Variants in ATP5F1C observed in about 807,000 individuals in gnomAD.
ATP5F1C encodes ATP synthase F1 subunit gamma, also known as ATP synthase F(1) complex subunit gamma, mitochondrial.
Under a neutral mutation model 37.4 loss-of-function variants are expected in ATP5F1C, and 22 were observed. That is an observed-to-expected ratio of 0.59 (90% CI 0.42 to 0.84). ATP5F1C has a LOEUF of 0.84. Ranked by LOEUF, ATP5F1C falls within the 40% of genes least tolerant of loss-of-function variation. The pLI, the probability that ATP5F1C is intolerant of heterozygous loss-of-function variation, is 0.00. For missense variants in ATP5F1C, 286 were observed against 362.4 expected (o/e 0.79, Z 1.71); for synonymous variants, 121 against 128.0 (o/e 0.95, Z 0.37).
chr10:7,802,904 G>A (rs1378553475), intron 8 of ATP5F1C, 50 bp downstream of exon 8: 4 of 1,511,128 alleles, frequency 2.6e-6, no homozygotes, highest in African/African-American at 1.4e-5. Context: ...TCCTCTTGCT[G>A]TGTCTGCTTG....
chr10:7,789,139 G>C (rs1475791020), intron 1 of ATP5F1C, among the ~76,000 whole-genome samples: 9 of 152,086 alleles, frequency 5.9e-5, no homozygotes, highest in Admixed American at 5.9e-4. Flanking sequence ...TTGGTTTGTG[G>C]GTGGTGCTGT....
intron 3 of ATP5F1C, 69 bp downstream of exon 3, chr10:7,797,247 C>A: frequency 6.4e-7 from 1 of 1,571,832 alleles, no homozygotes; most frequent in East Asian, 2.3e-5. Context: ...TGATGACTTA[C>A]ATTTAGAGCT....
At chr10:7,806,342 A>G (rs1346451965) in intron 8 of ATP5F1C, among the ~76,000 whole-genome samples, 1 of 152,214 alleles carries the variant, frequency 6.6e-6, no homozygotes, top group Admixed American at 6.5e-5. Flanking sequence ...TCGAGGTCCA[A>G]GTATTAGTTG....
At chr10:7,795,795 G>C (rs532791571) in intron 1 of ATP5F1C, among the ~76,000 whole-genome samples, 43 of 152,186 alleles carry the variant, frequency 2.8e-4, no homozygotes, top group Non-Finnish European at 5.1e-4. Flanking sequence ...AGCTTAACAA[G>C]GGGAGGGGCT....
chr10:7,798,473 C>T (rs1187150666), intron 3 of ATP5F1C, among the ~76,000 whole-genome samples: 1 of 152,118 alleles, frequency 6.6e-6, no homozygotes, highest in African/African-American at 2.4e-5. Flanking sequence ...GTGGCATAAT[C>T]TCAGCTTGCT....
chr10:7,788,460 G>A (rs1259242813), intron 1 of ATP5F1C, among the ~76,000 whole-genome samples, 197 bp downstream of exon 1: 2 of 152,242 alleles, frequency 1.3e-5, no homozygotes, highest in Non-Finnish European at 2.9e-5. Flanking sequence ...GCAGGGCCGG[G>A]CTCCGGCGGA....
chr10:7,795,226 T>A (rs1244416), intron 1 of ATP5F1C, among the ~76,000 whole-genome samples: 54,413 of 152,076 alleles, frequency 0.36, 9,777 homozygotes, highest in South Asian at 0.47. Flanking sequence ...TCTTTCCTGA[T>A]CATGAATGCT....
At chr10:7,806,334 G>A (rs761930979) in intron 8 of ATP5F1C, among the ~76,000 whole-genome samples, 9 of 152,088 alleles carry the variant, frequency 5.9e-5, no homozygotes, top group Non-Finnish European at 1.2e-4. Context: ...CATAGTATTC[G>A]AGGTCCAAGT....
At chr10:7,802,927 A>T in intron 8 of ATP5F1C, 73 bp downstream of exon 8, 1 of 1,371,264 alleles carries the variant, frequency 7.3e-7, no homozygotes, top group Non-Finnish European at 1.0e-6. Flanking sequence ...TGGATGCTTA[A>T]AAGTTTTTCG....
At position 7,802,268 on chromosome 10, in the gene ATP5F1C, A is replaced by G; in HGVS notation, c.638-2A>G. 6.2e-7 allele frequency: 1 copy of G among 1,600,812 alleles called. No individual in the cohort carries two copies. Among genetic ancestry groups the G allele is most frequent in the South Asian group, 1.1e-5 (1 of 88,420 alleles). ...AAAGAAACTCATCACTTGTTTTAAC[A>G]GACAGCATGAGTATCTATGACGATA... On this transcript the variant is annotated splice_acceptor_variant, in intron 6 of 9. Transcript: ENST00000356708. LOFTEE classifies it high-confidence loss of function.
chr10:7,800,203 G>T, intron 6 of ATP5F1C, 112 bp downstream of exon 6: 2 of 1,156,856 alleles, frequency 1.7e-6, no homozygotes, highest in Non-Finnish European at 1.3e-6. Flanking sequence ...ATGATTTGGG[G>T]CTGTTTCTTT....
chr10:7,788,399 G>C, intron 1 of ATP5F1C, 136 bp downstream of exon 1: 1 of 1,278,198 alleles, frequency 7.8e-7, no homozygotes, highest in Non-Finnish European at 1.1e-6. Flanking sequence ...CGTCGGAGGC[G>C]CCGGGTAGCG....
chr10:7,803,220 G>T (rs546288379), intron 8 of ATP5F1C, among the ~76,000 whole-genome samples: 11 of 151,836 alleles, frequency 7.2e-5, no homozygotes, highest in Non-Finnish European at 1.5e-4. Context: ...ACCATTGCAT[G>T]TTGGGAAGGT....
At chr10:7,802,208 T>G in intron 6 of ATP5F1C, 62 bp from the exon 7 acceptor site, 2 of 1,509,168 alleles carry the variant, frequency 1.3e-6, no homozygotes, top group Non-Finnish European at 1.8e-6. Context: ...TGAAAAGCTG[T>G]TTTTGATGAA....
intron 8 of ATP5F1C, chr10:7,804,134 T>C (rs778546878): frequency 1.9e-6 from 1 of 519,056 alleles, no homozygotes; most frequent in South Asian, 1.4e-5. Flanking sequence ...GAATGGGTTC[T>C]GCATTTTTAA....
intron 2 of ATP5F1C, chr10:7,796,785 C>T (rs1474974928): frequency 4.0e-5 from 9 of 223,994 alleles, no homozygotes; most frequent in African/African-American, 6.9e-5. Context: ...GGGGTTTCAC[C>T]GTGTTAGCCA....
chr10:7,802,651 T>A, intron 7 of ATP5F1C, 107 bp from the exon 8 acceptor site: 5 of 1,258,834 alleles, frequency 4.0e-6, no homozygotes, highest in Non-Finnish European at 5.5e-6. Flanking sequence ...AGGCCAATTT[T>A]GGTATCCAAA....
intron 1 of ATP5F1C, among the ~76,000 whole-genome samples, chr10:7,789,806 A>C (rs1456921437): frequency 6.6e-6 from 1 of 152,262 alleles, no homozygotes; most frequent in Non-Finnish European, 1.5e-5. Flanking sequence ...TATTTTACAA[A>C]AAATTTTAGA....
intron 1 of ATP5F1C, among the ~76,000 whole-genome samples, chr10:7,790,962 AAATGT>A (rs1411896378): frequency 1.6e-4 from 25 of 152,202 alleles, no homozygotes; most frequent in African/African-American, 5.8e-4. Context: ...TTTCTACATC[AAATGT>A]AATGTAAGAA....
Sources: gnomAD v4.1 joint callset for allele counts (sites outside exome capture counted in the v4.1 genomes callset) on GRCh38, gnomAD v4.1.1 for gene constraint, MANE v1.5 for transcripts, NCBI Gene and HGNC (gene_info 2026-07-23, HGNC 2026-07-21) for gene names.